Variants in PRKCB observed in about 807,000 individuals in gnomAD.
The protein encoded by PRKCB is protein kinase C beta, also known as protein kinase C beta type.
PRKCB carries 13 observed loss-of-function variants against 81.5 expected under a neutral mutation model. The observed-to-expected ratio is 0.16, with a 90% CI of 0.10 to 0.25. The LOEUF is 0.25. Among genes scored for constraint, PRKCB ranks in the 10% least tolerant of loss-of-function variants. The probability of loss-of-function intolerance (pLI) is 1.00; values close to 1 mark genes in which losing one functional copy is unlikely to be tolerated. For missense variants in PRKCB, 509 were observed against 875.7 expected (o/e 0.58, Z 5.29); for synonymous variants, 335 against 321.4 (o/e 1.04, Z -0.45).
At chr16:24,199,556 TAACTCCCCCA>T (rs1428706512) in intron 16 of PRKCB, among the ~76,000 whole-genome samples, 2 of 152,236 alleles carry the variant, frequency 1.3e-5, no homozygotes, top group Non-Finnish European at 2.9e-5. Context: ...GCACAGAACC[TAACTCCCCCA>T]AAGTATCAAA....
At chr16:23,865,353 G>A (rs1962754122) in intron 2 of PRKCB, among the ~76,000 whole-genome samples, 1 of 141,184 alleles carries the variant, frequency 7.1e-6, no homozygotes, top group Non-Finnish European at 1.5e-5. Flanking sequence ...CTCAGACTGA[G>A]GTACAGTAGC....
intron 5 of PRKCB, among the ~76,000 whole-genome samples, chr16:24,038,013 T>C (rs1596523477): frequency 6.6e-6 from 1 of 151,964 alleles, no homozygotes; most frequent in East Asian, 1.9e-4. Flanking sequence ...AAACATCATC[T>C]CTACTAAAAA....
intron 9 of PRKCB, among the ~76,000 whole-genome samples, chr16:24,151,178 T>C (rs1967075547): frequency 6.6e-6 from 1 of 152,206 alleles, no homozygotes; most frequent in Non-Finnish European, 1.5e-5. Flanking sequence ...CAAATCTCAT[T>C]TGATGACAAT....
At chr16:23,984,267 A>G (rs1414778562) in intron 2 of PRKCB, among the ~76,000 whole-genome samples, 1 of 152,224 alleles carries the variant, frequency 6.6e-6, no homozygotes, top group Non-Finnish European at 1.5e-5. Context: ...TAACTCATTT[A>G]GTTCTGACAA....
At chr16:24,193,832 C>T (rs1967836227) in intron 16 of PRKCB, among the ~76,000 whole-genome samples, 1 of 152,170 alleles carries the variant, frequency 6.6e-6, no homozygotes, top group African/African-American at 2.4e-5. Flanking sequence ...TGATGTTCAC[C>T]TCCCGATGGC....
intron 2 of PRKCB, among the ~76,000 whole-genome samples, chr16:23,898,741 T>C (rs1227555291): frequency 6.6e-6 from 1 of 151,984 alleles, no homozygotes; most frequent in African/African-American, 2.4e-5. Context: ...GAGGTAAAAA[T>C]ACATAACAAA....
chr16:23,901,053 C>G (rs987583262), intron 2 of PRKCB, among the ~76,000 whole-genome samples: 10 of 152,080 alleles, frequency 6.6e-5, no homozygotes, highest in Non-Finnish European at 1.5e-5. Context: ...AGGGTCACTT[C>G]TGTCTCTCCC....
intron 2 of PRKCB, among the ~76,000 whole-genome samples, chr16:23,866,027 G>C (rs1421731036): frequency 1.3e-5 from 1 of 76,392 alleles, no homozygotes; most frequent in Non-Finnish European, 2.5e-5. Context: ...AGTACTTCCT[G>C]TCTTTTCACA....
chr16:24,180,736 G>A (rs1165182909), intron 12 of PRKCB, 54 bp from the exon 13 acceptor site: 6 of 1,583,872 alleles, frequency 3.8e-6, no homozygotes, highest in African/African-American at 1.3e-5. Flanking sequence ...GCTGTTGGTT[G>A]GCTTGAAATG....
chr16:23,948,003 G>C (rs556895644), intron 2 of PRKCB, among the ~76,000 whole-genome samples: 20 of 150,754 alleles, frequency 1.3e-4, no homozygotes, highest in Middle Eastern at 3.4e-3. Flanking sequence ...GCACAGACAT[G>C]TGACCTAGGA....
intron 2 of PRKCB, among the ~76,000 whole-genome samples, chr16:23,926,187 C>T (rs1367757143): frequency 6.6e-6 from 1 of 152,056 alleles, no homozygotes; most frequent in African/African-American, 2.4e-5. Flanking sequence ...AGGAGGATCT[C>T]TTGAGCCCAG....
intron 4 of PRKCB, 147 bp downstream of exon 4, chr16:24,032,394 G>A (rs1275422500): frequency 8.7e-6 from 5 of 574,938 alleles, no homozygotes; most frequent in Non-Finnish European, 1.5e-5. Flanking sequence ...GCTGCATAAT[G>A]ATCCTCCCAC....
intron 2 of PRKCB, among the ~76,000 whole-genome samples, chr16:23,945,229 C>G (rs1473320024): frequency 3.3e-5 from 5 of 152,066 alleles, no homozygotes; most frequent in African/African-American, 1.2e-4. Flanking sequence ...ACATGAAAGG[C>G]CTGGTCTTTA....
intron 3 of PRKCB, among the ~76,000 whole-genome samples, chr16:24,006,409 CATA>C (rs1159253782): frequency 1.3e-5 from 2 of 152,352 alleles, no homozygotes; most frequent in East Asian, 3.9e-4. Flanking sequence ...CTGGTTGCTA[CATA>C]ATAATATTAG....
At chr16:23,981,645 CTCCTTCCCTTCCTTTTTTCCCTTTCT>C in intron 2 of PRKCB, among the ~76,000 whole-genome samples, 1 of 129,584 alleles carries the variant, frequency 7.7e-6, no homozygotes, top group Non-Finnish European at 1.6e-5. Flanking sequence ...CCTTTCTTTT[CTCCTTCCCTTCCTTTTTTCCCTTTCT>C]CTTCCCCTTC....
intron 3 of PRKCB, among the ~76,000 whole-genome samples, chr16:23,996,275 T>A (rs918983599): frequency 2.6e-5 from 4 of 152,174 alleles, no homozygotes; most frequent in African/African-American, 9.7e-5. Context: ...GTTCTTTGGA[T>A]ACCAGGCAGC....
intron 5 of PRKCB, among the ~76,000 whole-genome samples, chr16:24,062,873 T>C (rs1483436055): frequency 1.3e-5 from 2 of 152,020 alleles, no homozygotes; most frequent in African/African-American, 4.8e-5. Flanking sequence ...TCTGTGATCT[T>C]CTCTGTGGCT....
At chr16:24,211,531 G>T (rs1461556388) in intron 16 of PRKCB, among the ~76,000 whole-genome samples, 1 of 151,820 alleles carries the variant, frequency 6.6e-6, no homozygotes, top group Non-Finnish European at 1.5e-5. Flanking sequence ...CATAATGCCA[G>T]GGTTTGAATT....
chr16:24,159,739 A>ACAC (rs1967224981), intron 10 of PRKCB, among the ~76,000 whole-genome samples: 1 of 152,132 alleles, frequency 6.6e-6, no homozygotes, highest in South Asian at 2.1e-4. Context: ...CACACCTGTA[A>ACAC]CACCAGCACT....
Sources: allele counts gnomAD v4.1 joint callset (sites outside exome capture counted in the v4.1 genomes callset), GRCh38; gene constraint gnomAD v4.1.1; transcripts MANE v1.5; gene names NCBI Gene and HGNC (gene_info 2026-07-23, HGNC 2026-07-21).